AUTS2: variants seen among roughly 807,000 people sequenced by gnomAD.
AUTS2 encodes activator of transcription and developmental regulator AUTS2.
A neutral mutation model predicts 112.4 loss-of-function variants in AUTS2; 17 were observed. That is an observed-to-expected ratio of 0.15 (90% CI 0.10 to 0.23). The LOEUF (loss-of-function observed/expected upper bound fraction) is 0.23, where lower values mean the gene tolerates loss of function less well. AUTS2 is among the 10% of genes least tolerant of loss of function. The pLI is 1.00. For synonymous variants in AUTS2, 751 were observed against 702.7 expected, an observed-to-expected ratio of 1.07 and a Z score of -1.09; for missense variants, 1,510 against 1,701.6, an observed-to-expected ratio of 0.89 and a Z score of 1.98.
rs188787002 is a variant in AUTS2 at position 69,987,951 on chromosome 7, G to A, written c.522+88453G>A. Among the ~76,000 whole-genome samples, 22 of 152,244 alleles carry A rather than the reference G, an allele frequency of 1.4e-4. 1 individual carries two copies. The highest frequency in any genetic ancestry group is 2.9e-4 in the Non-Finnish European group (20 of 68,032). On this transcript the variant is annotated intron_variant, in intron 2 of 18. Coordinates refer to ENST00000342771, the MANE Select transcript of AUTS2 (RefSeq NM_015570.4). ...CTTCAAACCAAAATGACTACTAAGAGGTGTGCGTGTGTATGTCAGGGGAGG... is the reference window on the plus strand; with the variant it reads ...CTTCAAACCAAAATGACTACTAAGAAGTGTGCGTGTGTATGTCAGGGGAGG...
At chr7:70,031,435 A>G (rs1800774581) in intron 2 of AUTS2, among the ~76,000 whole-genome samples, 1 of 152,180 alleles carries the variant, frequency 6.6e-6, no homozygotes. Flanking sequence ...AGAGAGCACT[A>G]ACGTCCTGAT....
At chr7:69,982,039 C>T (rs1040665437) in intron 2 of AUTS2, among the ~76,000 whole-genome samples, 3 of 152,126 alleles carry the variant, frequency 2.0e-5, no homozygotes, top group African/African-American at 7.2e-5. Context: ...GACAAGGACT[C>T]GTAGGCACCA....
intron 2 of AUTS2, among the ~76,000 whole-genome samples, chr7:69,992,033 A>C (rs996624994): frequency 6.6e-6 from 1 of 152,220 alleles, no homozygotes; most frequent in Non-Finnish European, 1.5e-5. Flanking sequence ...CAAGAATATC[A>C]GGTGTTGAAG....
At chr7:69,648,219 G>A (rs1049022255) in intron 1 of AUTS2, among the ~76,000 whole-genome samples, 5 of 152,044 alleles carry the variant, frequency 3.3e-5, no homozygotes, top group African/African-American at 1.2e-4. Context: ...TTCATCAAGA[G>A]CACTAACAAA....
chr7:69,912,444 C>A (rs1246689225), intron 2 of AUTS2, among the ~76,000 whole-genome samples: 1 of 152,198 alleles, frequency 6.6e-6, no homozygotes, highest in African/African-American at 2.4e-5. Flanking sequence ...GCATACAGCC[C>A]CGGCTGCAGC....
chr7:70,181,967 T>C (rs1000893479), intron 4 of AUTS2, among the ~76,000 whole-genome samples: 2 of 151,546 alleles, frequency 1.3e-5, no homozygotes, highest in Non-Finnish European at 2.9e-5. Flanking sequence ...CTGGCTAATT[T>C]TTTTGTATTT....
At chr7:70,379,063 G>T (rs567051872) in intron 4 of AUTS2, among the ~76,000 whole-genome samples, 1 of 151,814 alleles carries the variant, frequency 6.6e-6, no homozygotes, top group Non-Finnish European at 1.5e-5. Context: ...TTAAGTTGCT[G>T]GATATAAGCC....
At chr7:70,662,289 C>T (rs924069263) in intron 5 of AUTS2, among the ~76,000 whole-genome samples, 3 of 152,200 alleles carry the variant, frequency 2.0e-5, no homozygotes, top group African/African-American at 4.8e-5. Context: ...ACTCGTAAGA[C>T]GGGCTTTATC....
chr7:70,414,513 T>G (rs1794911345), intron 4 of AUTS2, among the ~76,000 whole-genome samples: 2 of 152,156 alleles, frequency 1.3e-5, no homozygotes, highest in African/African-American at 4.8e-5. Context: ...GGTCACAAAC[T>G]GGGTATCAGA....
At chr7:69,788,502 G>A (rs1789475454) in intron 1 of AUTS2, among the ~76,000 whole-genome samples, 1 of 152,248 alleles carries the variant, frequency 6.6e-6, no homozygotes, top group African/African-American at 2.4e-5. Flanking sequence ...GAAACTTTAT[G>A]CACAAAAGCC....
chr7:70,748,959 T>A (rs151331589), intron 6 of AUTS2, among the ~76,000 whole-genome samples: 230 of 152,294 alleles, frequency 1.5e-3, no homozygotes, highest in African/African-American at 4.7e-3. Context: ...TGCTCACAGT[T>A]GTACTTGGGG....
At chr7:70,644,664 C>A (rs1806052838) in intron 5 of AUTS2, among the ~76,000 whole-genome samples, 1 of 152,172 alleles carries the variant, frequency 6.6e-6, no homozygotes, top group South Asian at 2.1e-4. Context: ...TGCCTCATGC[C>A]AGATCCTGTA....
intron 1 of AUTS2, among the ~76,000 whole-genome samples, chr7:69,852,958 G>A (rs1255840791): frequency 6.6e-6 from 1 of 151,874 alleles, no homozygotes; most frequent in East Asian, 1.9e-4. Flanking sequence ...TTATCTTTCT[G>A]TTATTTATGT....
chr7:70,213,916 A>G (rs1174399726), intron 4 of AUTS2, among the ~76,000 whole-genome samples: 1 of 152,218 alleles, frequency 6.6e-6, no homozygotes, highest in African/African-American at 2.4e-5. Context: ...TCATAAGAAA[A>G]CAGTGAGATA....
intron 5 of AUTS2, among the ~76,000 whole-genome samples, chr7:70,511,790 G>T (rs1799207576): frequency 6.6e-6 from 1 of 151,608 alleles, no homozygotes. Context: ...TGGCCAGGCT[G>T]GTCTTGAACT....
At position 70,565,684 on chromosome 7, in the gene AUTS2, TCAAA is replaced by T. The variant is rs1332930739; in HGVS notation, c.690+129907_690+129910del. ...GATAGAGCGAGACACTGTCAATCCA[TCAAA>T]CAATCAATAACTATGAATTCAGCTT... is the stretch of plus-strand genomic sequence containing the variant. On this transcript the variant is annotated intron_variant, in intron 5 of 18. Transcript: ENST00000342771. 3.9e-5 allele frequency among the ~76,000 whole-genome samples: 6 copies of T among 152,292 alleles called. No homozygotes were observed. The South Asian group carries it at 1.2e-3, about 32-fold the overall frequency.
intron 4 of AUTS2, among the ~76,000 whole-genome samples, chr7:70,403,491 G>A (rs1351098071): frequency 6.6e-6 from 1 of 152,196 alleles, no homozygotes; most frequent in Non-Finnish European, 1.5e-5. Context: ...GATCATCAAT[G>A]TCTGCCTGGC....
chr7:70,266,354 T>C (rs1039540507), intron 4 of AUTS2, among the ~76,000 whole-genome samples: 8 of 152,146 alleles, frequency 5.3e-5, no homozygotes, highest in African/African-American at 1.9e-4. Context: ...GGTAAATCCA[T>C]TGCCAGTGGC....
chr7:70,153,040 A>G (rs533103478), intron 4 of AUTS2, among the ~76,000 whole-genome samples: 1 of 152,324 alleles, frequency 6.6e-6, no homozygotes, highest in South Asian at 2.1e-4. Context: ...ATATGTATGT[A>G]CAATATATTC....
Sources: gnomAD v4.1 joint callset for allele counts (sites outside exome capture counted in the v4.1 genomes callset) on GRCh38, gnomAD v4.1.1 for gene constraint, MANE v1.5 for transcripts, NCBI Gene and HGNC (gene_info 2026-07-23, HGNC 2026-07-21) for gene names.